MTA3: variants seen among roughly 807,000 people sequenced by gnomAD.
The protein encoded by MTA3 is metastasis-associated protein MTA3.
Under a neutral mutation model 83.5 loss-of-function variants are expected in MTA3, and 34 were observed. The observed-to-expected ratio is 0.41, with a 90% CI of 0.31 to 0.54. MTA3 has a LOEUF of 0.54. Ranked by LOEUF, MTA3 falls within the 20% of genes least tolerant of loss-of-function variation. The pLI is 0.33. For missense variants in MTA3, 761 were observed against 726.4 expected, an observed-to-expected ratio of 1.05 and a Z score of -0.55; for synonymous variants, 303 against 252.7, an observed-to-expected ratio of 1.20 and a Z score of -1.89.
chr2:42,587,120 G>A (rs965213745), intron 3 of MTA3, among the ~76,000 whole-genome samples: 1 of 152,140 alleles, frequency 6.6e-6, no homozygotes, highest in Non-Finnish European at 1.5e-5. Context: ...TTGAACCCAG[G>A]AGGCGGAGGT....
intron 14 of MTA3, among the ~76,000 whole-genome samples, chr2:42,715,406 C>CTTTT (rs35673744): frequency 2.8e-4 from 29 of 104,156 alleles, no homozygotes; most frequent in Non-Finnish European, 4.1e-4. Context: ...CCACCAACTA[C>CTTTT]TTTTTTTTTT....
chr2:42,581,329 G>T (rs796506646), intron 3 of MTA3, among the ~76,000 whole-genome samples: 3 of 150,654 alleles, frequency 2.0e-5, no homozygotes, highest in African/African-American at 7.3e-5. Flanking sequence ...TCGGATTACA[G>T]GTGTGAGTCA....
rs530828517 is a variant in MTA3, at chr2:42,642,891, T to TGCCTCG, written c.382-1230_382-1225dup. Among the ~76,000 whole-genome samples, 382 of 152,254 alleles carry TGCCTCG rather than the reference T, an allele frequency of 2.5e-3. 1 individual carries two copies. The highest frequency in any genetic ancestry group is 9.0e-3 in the African/African-American group (372 of 41,560). ...AAGTCCTGACCTCAGGTGATCCGCC[T>TGCCTCG]GCCTCGGCCTCCCAAAGTGCTGGGA... On this transcript the variant is annotated intron_variant, in intron 5 of 16. Transcript: ENST00000405094.
At chr2:42,528,874 C>T (rs570431586) in intron 2 of MTA3, among the ~76,000 whole-genome samples, 9 of 152,334 alleles carry the variant, frequency 5.9e-5, no homozygotes, top group Non-Finnish European at 1.2e-4. Flanking sequence ...AATTTATGGA[C>T]AGAAAAAGAA....
At chr2:42,720,468 A>G (rs941135559) in intron 15 of MTA3, among the ~76,000 whole-genome samples, 8 of 151,620 alleles carry the variant, frequency 5.3e-5, no homozygotes, top group Middle Eastern at 3.4e-3. Flanking sequence ...GGCATGAGCC[A>G]CTGCGTCCGG....
At chr2:42,685,845 CCT>C (rs1692323390) in intron 9 of MTA3, among the ~76,000 whole-genome samples, 1 of 151,348 alleles carries the variant, frequency 6.6e-6, no homozygotes, top group South Asian at 2.1e-4. Context: ...ATTATCATCC[CCT>C]CTTTCCCTCC....
chr2:42,494,709 G>T (rs1395462164), exon 1 of MTA3: 1 of 152,340 alleles, frequency 6.6e-6, no homozygotes, highest in South Asian at 2.1e-4. Context: ...CCTTAGAGTG[G>T]GATGAAAGTC....
At chr2:42,610,119 AC>A (rs752486892) in intron 4 of MTA3, among the ~76,000 whole-genome samples, 20 of 152,194 alleles carry the variant, frequency 1.3e-4, no homozygotes, top group Non-Finnish European at 1.8e-4. Flanking sequence ...ACGAAAAAAA[AC>A]AATAAGACAA....
In MTA3 at chr2:42,719,054, C is replaced by T. The variant is rs1296001952; in HGVS notation, c.1592C>T (p.Ala531Val). The change falls in exon 15 of 17, where the codon GCA (alanine) becomes GTA (valine). Residue 531 changes from alanine to valine, a missense_variant. Ala to Val is a moderately conservative substitution (Grantham distance 64). Coordinates refer to ENST00000405094, the MANE Select transcript of MTA3 (RefSeq NM_001330442.2). ...AGCAAAAGCACTAGGAAGCCTTTGGCATGTATCATTGGGTATTTAGGTGGG... is the reference window on the plus strand; with the variant it reads ...AGCAAAAGCACTAGGAAGCCTTTGGTATGTATCATTGGGTATTTAGGTGGG... ...LKSKSTRKPL[A>V]CIIGYLEIHP... 1 of 1,550,032 alleles carries T rather than the reference C, an allele frequency of 6.5e-7. No individual in the cohort carries two copies. The highest frequency in any genetic ancestry group is 8.7e-7 in the Non-Finnish European group (1 of 1,146,564).
Position 42,497,811 on chromosome 2 carries a change from C to T in MTA3, c.-141+2557C>T, listed in dbSNP as rs765820262. Among the ~76,000 whole-genome samples the T allele has an allele frequency of 4.6e-5, 7 of 152,278 alleles. No individual in the cohort carries two copies. The South Asian group carries it at 1.2e-3, about 27-fold the overall frequency. ...ATAGCTCAGTGCATGACACTAGAAA[C>T]ATCTCACTTCATGTATGCTTCCTTT... is the stretch of plus-strand genomic sequence containing the variant. On this transcript the variant is annotated intron_variant, in intron 2 of 17. Coordinates refer to the MTA3 transcript ENST00000405592.
chr2:42,725,126 C>G (rs1181983019), intron 16 of MTA3, among the ~76,000 whole-genome samples: 1 of 152,210 alleles, frequency 6.6e-6, no homozygotes, highest in South Asian at 2.1e-4. Flanking sequence ...ACTGAGTTCT[C>G]TCATTTAATT....
intron 4 of MTA3, among the ~76,000 whole-genome samples, chr2:42,635,785 A>G (rs1687134775): frequency 6.6e-6 from 1 of 152,026 alleles, no homozygotes; most frequent in African/African-American, 2.4e-5. Context: ...TTTTTTTCCC[A>G]AGACAGAATT....
chr2:42,582,481 A>T (rs1042539126), intron 3 of MTA3, among the ~76,000 whole-genome samples: 2 of 152,156 alleles, frequency 1.3e-5, no homozygotes, highest in Admixed American at 1.3e-4. Flanking sequence ...CCTGATTAGT[A>T]TGTCATTCTA....
rs575018449 is a variant in MTA3, at chr2:42,707,838, A to G, written c.1151-65A>G. ...ACAAGTATTTTTAAAATGTTTGATT[A>G]TTTTGTGTTGATGTTACAAATTAAA... On this transcript the variant is annotated intron_variant, in intron 12 of 16. Coordinates refer to ENST00000405094, the MANE Select transcript of MTA3 (RefSeq NM_001330442.2). The G allele has an allele frequency of 6.7e-5, 94 of 1,403,720 alleles. No homozygotes were observed. In the African/African-American group the frequency reaches 1.1e-3, roughly 17 times the overall value. The allele number at this position is 1,403,720 out of a possible 1,614,324, so 87.0% of individuals were successfully genotyped here. A position where few individuals can be genotyped will look rare whatever the true frequency, so the allele number is the denominator to read the frequency against.
At chr2:42,711,002 C>T (rs1666560104) in intron 14 of MTA3, among the ~76,000 whole-genome samples, 1 of 152,150 alleles carries the variant, frequency 6.6e-6, no homozygotes, top group South Asian at 2.1e-4. Context: ...TCACTTGAAC[C>T]TGGGAGGCAG....
At chr2:42,723,603 G>A (rs1308859434) in intron 16 of MTA3, among the ~76,000 whole-genome samples, 1 of 152,150 alleles carries the variant, frequency 6.6e-6, no homozygotes, top group Non-Finnish European at 1.5e-5. Context: ...CTTCTCTTGG[G>A]CTTGGCCATG....
At chr2:42,621,698 C>CG (rs145269773) in intron 4 of MTA3, among the ~76,000 whole-genome samples, 151,118 of 151,230 alleles carry the variant, frequency 1, 75,503 homozygotes, top group Middle Eastern at 1. Context: ...ACTTCCCAGA[C>CG]GGGCGGCTGC....
At chr2:42,501,001 G>A (rs529423406) in intron 2 of MTA3, among the ~76,000 whole-genome samples, 9 of 152,036 alleles carry the variant, frequency 5.9e-5, no homozygotes, top group South Asian at 2.1e-4. Context: ...TAGTAGAGAC[G>A]GGGTTTCACC....
chr2:42,618,655 T>A (rs1036389293), intron 4 of MTA3, among the ~76,000 whole-genome samples: 1 of 152,186 alleles, frequency 6.6e-6, no homozygotes, highest in African/African-American at 2.4e-5. Flanking sequence ...TTGCCCAGGC[T>A]AGAGTGCAGT....
Sources: gnomAD v4.1 joint callset for allele counts (sites outside exome capture counted in the v4.1 genomes callset) on GRCh38, gnomAD v4.1.1 for gene constraint, MANE v1.5 for transcripts, NCBI Gene and HGNC (gene_info 2026-07-23, HGNC 2026-07-21) for gene names.